MDGA2: variants seen among roughly 807,000 people sequenced by gnomAD.
MDGA2 encodes the protein MAM domain containing glycosylphosphatidylinositol anchor 2.
Under a neutral mutation model 117.8 loss-of-function variants are expected in MDGA2, and 40 were observed. The ratio of observed to expected loss-of-function variants is 0.34; its 90% CI spans 0.26 to 0.44. MDGA2 has a LOEUF of 0.44. Among genes scored for constraint, MDGA2 ranks in the 20% least tolerant of loss-of-function variants. The pLI is 1.00. For synonymous variants in MDGA2, 452 were observed against 439.0 expected (o/e 1.03, Z -0.37); for missense variants, 1,123 against 1,250.6 (o/e 0.90, Z 1.54).
intron 1 of MDGA2, among the ~76,000 whole-genome samples, chr14:47,512,037 T>G (rs914282915): frequency 2.0e-5 from 3 of 152,158 alleles, no homozygotes; most frequent in Admixed American, 1.3e-4. Context: ...TAAACTTTGG[T>G]TCAGTAAAGT....
intron 3 of MDGA2, among the ~76,000 whole-genome samples, chr14:47,199,324 A>G (rs938020118): frequency 1.3e-5 from 2 of 152,192 alleles, no homozygotes; most frequent in African/African-American, 4.8e-5. Flanking sequence ...ACATTCCAAC[A>G]ATTTTGACTA....
chr14:47,613,598 T>C (rs963552854), intron 1 of MDGA2, among the ~76,000 whole-genome samples: 1 of 152,068 alleles, frequency 6.6e-6, no homozygotes, highest in Non-Finnish European at 1.5e-5. Context: ...CACTTCATAT[T>C]ATGAGGGCTG....
At chr14:47,371,924 T>C (rs750697147) in intron 1 of MDGA2, among the ~76,000 whole-genome samples, 1 of 151,744 alleles carries the variant, frequency 6.6e-6, no homozygotes, top group Non-Finnish European at 1.5e-5. Flanking sequence ...ATTTACAACA[T>C]ATACTGTAAT....
chr14:47,472,938 G>A (rs1333882399), intron 1 of MDGA2, among the ~76,000 whole-genome samples: 2 of 152,018 alleles, frequency 1.3e-5, no homozygotes, highest in African/African-American at 2.4e-5. Context: ...CTTGTTGATA[G>A]TATTCTCCAA....
At chr14:47,040,761 A>G (rs1017703257) in intron 7 of MDGA2, among the ~76,000 whole-genome samples, 6 of 152,112 alleles carry the variant, frequency 3.9e-5, no homozygotes, top group Admixed American at 2.6e-4. Context: ...ACTACACACT[A>G]CGTTGTATGT....
At chr14:47,527,367 T>C (rs1594900462) in intron 1 of MDGA2, among the ~76,000 whole-genome samples, 1 of 152,088 alleles carries the variant, frequency 6.6e-6, no homozygotes, top group East Asian at 1.9e-4. Flanking sequence ...ATTTTATAGA[T>C]GGATTCTTGG....
intron 2 of MDGA2, among the ~76,000 whole-genome samples, chr14:47,264,737 G>A (rs1312314399): frequency 2.6e-5 from 4 of 151,106 alleles, no homozygotes; most frequent in Non-Finnish European, 5.9e-5. Context: ...TTGTTACATA[G>A]GTATACACGT....
intron 5 of MDGA2, among the ~76,000 whole-genome samples, chr14:47,107,510 T>C (rs113856624): frequency 0.12 from 16,767 of 139,828 alleles, 1,064 homozygotes; most frequent in Admixed American, 0.12. Flanking sequence ...GACCCTGACA[T>C]CCATCAAGCT....
At chr14:47,385,198 T>C (rs774983441) in intron 1 of MDGA2, among the ~76,000 whole-genome samples, 1 of 152,074 alleles carries the variant, frequency 6.6e-6, no homozygotes, top group African/African-American at 2.4e-5. Context: ...TTTAAGTAAA[T>C]TGCATATTAA....
chr14:47,055,002 CTTTT>C (rs10640408), intron 7 of MDGA2, among the ~76,000 whole-genome samples: 2 of 125,672 alleles, frequency 1.6e-5, no homozygotes, highest in African/African-American at 3.0e-5. Flanking sequence ...TTTTTCTTTT[CTTTT>C]TTTTTTTTTT....
At position 47,609,156 on chromosome 14, in the gene MDGA2, A is replaced by G. The variant is rs532944351; in HGVS notation, c.280+65361T>C. The stretch of plus-strand genomic sequence containing the variant: ...TGATTGGTGAGGTTTTGGAGCACCC[A>G]TCACCCAAGCAGTATACGCTGCACA... On this transcript the variant is annotated intron_variant, in intron 1 of 16. Transcript: ENST00000399232. Among the ~76,000 whole-genome samples, 227 of 151,480 alleles carry G rather than the reference A, an allele frequency of 1.5e-3. 1 individual carries two copies. The highest frequency in any genetic ancestry group is 5.4e-3 in the African/African-American group (222 of 41,332).
chr14:46,987,023 G>C (rs1196493348), intron 8 of MDGA2, among the ~76,000 whole-genome samples: 2 of 152,052 alleles, frequency 1.3e-5, no homozygotes, highest in Non-Finnish European at 2.9e-5. Context: ...ATGTAGGTAG[G>C]CATGTAGGTA....
At chr14:47,038,261 T>G (rs1328535625) in intron 7 of MDGA2, among the ~76,000 whole-genome samples, 2 of 152,144 alleles carry the variant, frequency 1.3e-5, no homozygotes, top group Non-Finnish European at 2.9e-5. Context: ...GAATTTGTAC[T>G]TTATTAGCCT....
intron 6 of MDGA2, among the ~76,000 whole-genome samples, chr14:47,080,526 G>C (rs549110526): frequency 3.3e-5 from 5 of 152,198 alleles, no homozygotes; most frequent in Admixed American, 1.3e-4. Flanking sequence ...GTGATGCTTT[G>C]TGCATCCTCC....
In MDGA2 at chr14:46,957,587, C is replaced by T. The variant is rs373296594; in HGVS notation, c.1876G>A (p.Val626Ile). 6.3e-5 allele frequency: 101 copies of T among 1,614,160 alleles called. No individual in the cohort carries two copies. The African/African-American group carries it at 9.6e-4, about 15-fold the overall frequency. ...LEIRQGQDRS[V>I]TMSCRVLRAY... ...CTCAGTACTCTGCAACTCATAGTGA[C>T]ACTTCGATCCTGTCCTTGCCGGATT... The change falls in exon 9 of 17, where the codon GTC becomes ATC. Residue 626 changes from valine to isoleucine, a missense_variant. Val to Ile is a conservative substitution (Grantham distance 29). Coordinates refer to ENST00000399232, the MANE Select transcript of MDGA2 (RefSeq NM_001113498.3).
At chr14:47,023,347 G>A (rs1316346612) in intron 8 of MDGA2, among the ~76,000 whole-genome samples, 4 of 152,068 alleles carry the variant, frequency 2.6e-5, no homozygotes, top group East Asian at 1.9e-4. Context: ...TTGAAAAAGC[G>A]CTGGAATGGA....
chr14:47,494,775 T>G (rs964575204), intron 1 of MDGA2, among the ~76,000 whole-genome samples: 16 of 151,910 alleles, frequency 1.1e-4, no homozygotes, highest in African/African-American at 3.6e-4. Flanking sequence ...ATTTATTGAA[T>G]AGGGTGTCTT....
At chr14:47,625,310 C>CAA (rs34504236) in intron 1 of MDGA2, among the ~76,000 whole-genome samples, 6 of 146,260 alleles carry the variant, frequency 4.1e-5, no homozygotes, top group South Asian at 2.1e-4. Context: ...TATGCAAAAA[C>CAA]AAAAAAAAAA....
intron 1 of MDGA2, among the ~76,000 whole-genome samples, chr14:47,470,891 A>G (rs1246370181): frequency 1.3e-5 from 2 of 152,240 alleles, no homozygotes; most frequent in East Asian, 1.9e-4. Context: ...TAATGAGACT[A>G]TTTTTCCCTT....
Sources: gnomAD v4.1 joint callset for allele counts (sites outside exome capture counted in the v4.1 genomes callset) on GRCh38, gnomAD v4.1.1 for gene constraint, MANE v1.5 for transcripts, NCBI Gene and HGNC (gene_info 2026-07-23, HGNC 2026-07-21) for gene names.